ANKRD31: variants seen among roughly 807,000 people sequenced by gnomAD.
ANKRD31 encodes ankyrin repeat domain-containing protein 31.
A neutral mutation model predicts 186.0 loss-of-function variants in ANKRD31; 147 were observed. The ratio of observed to expected loss-of-function variants is 0.79; its 90% confidence interval spans 0.69 to 0.91. The LOEUF is 0.91. Ranked by LOEUF, ANKRD31 falls within the 40% of genes least tolerant of loss-of-function variation. The pLI is 0.00. For synonymous variants in ANKRD31, 673 were observed against 736.4 expected (o/e 0.91, Z 1.39); for missense variants, 1,986 against 2,148.8 (o/e 0.92, Z 1.50).
At chr5:75,087,451 G>A (rs532790857) in intron 23 of ANKRD31, among the ~76,000 whole-genome samples, 3 of 151,892 alleles carry the variant, frequency 2.0e-5, no homozygotes, top group African/African-American at 4.8e-5. Flanking sequence ...ACGCTGCAGC[G>A]AGCTGAGATC....
chr5:75,137,028 G>A (rs1453285168), intron 17 of ANKRD31, among the ~76,000 whole-genome samples: 3 of 152,104 alleles, frequency 2.0e-5, no homozygotes, highest in African/African-American at 7.2e-5. Context: ...TGGGGGTAGG[G>A]GGGAGGGATA....
rs368163615 is a variant in ANKRD31 at position 75,195,598 on chromosome 5, T to C, written c.1017+33A>G. The C allele has an allele frequency of 7.1e-5, 103 of 1,455,262 alleles. No homozygotes were observed. In the African/African-American group the frequency reaches 1.4e-3, roughly 19 times the overall value. The allele number at this position is 1,455,262 out of a possible 1,614,324, so 90.1% of individuals were successfully genotyped here. A position where few individuals can be genotyped will look rare whatever the true frequency, so the allele number is the denominator to read the frequency against. On this transcript the variant is annotated intron_variant, in intron 7 of 25. Transcript: ENST00000506364. Reference sequence around the variant, plus strand: ...CAGCTAACTTGGAACCATGTTCAAATGGTGGAGTAGAACAAAGAAATTCAA... The same window carrying C: ...CAGCTAACTTGGAACCATGTTCAAACGGTGGAGTAGAACAAAGAAATTCAA...
At chr5:75,204,126 TAAAC>T (rs1462436210) in intron 5 of ANKRD31, among the ~76,000 whole-genome samples, 1 of 152,216 alleles carries the variant, frequency 6.6e-6, no homozygotes, top group Non-Finnish European at 1.5e-5. Flanking sequence ...TAAATTTCCT[TAAAC>T]AATTTAAACT....
At chr5:75,109,653 A>G (rs1747607844) in intron 20 of ANKRD31, among the ~76,000 whole-genome samples, 1 of 152,136 alleles carries the variant, frequency 6.6e-6, no homozygotes, top group African/African-American at 2.4e-5. Context: ...AAAAATGAGG[A>G]GCTACCACAG....
intron 25 of ANKRD31, among the ~76,000 whole-genome samples, chr5:75,069,410 C>T (rs150063882): frequency 3.3e-5 from 5 of 152,172 alleles, no homozygotes; most frequent in African/African-American, 1.2e-4. Flanking sequence ...GGCCCACATG[C>T]TTCTGGTAGA....
intron 11 of ANKRD31, among the ~76,000 whole-genome samples, chr5:75,168,629 C>T (rs1318273669): frequency 5.3e-5 from 8 of 152,038 alleles, no homozygotes; most frequent in African/African-American, 1.7e-4. Flanking sequence ...AAGCTGTAAA[C>T]CTCCTATCAG....
chr5:75,204,095 T>A (rs1755999048), intron 5 of ANKRD31, among the ~76,000 whole-genome samples: 1 of 152,204 alleles, frequency 6.6e-6, no homozygotes, highest in Non-Finnish European at 1.5e-5. Context: ...CTATTTAACA[T>A]TTAAACATTG....
intron 22 of ANKRD31, among the ~76,000 whole-genome samples, chr5:75,100,099 T>C (rs1746707729): frequency 6.6e-6 from 1 of 152,232 alleles, no homozygotes; most frequent in Non-Finnish European, 1.5e-5. Context: ...TTTAAATGTG[T>C]CCCAGAGTTT....
chr5:75,103,434 A>C (rs994667729), intron 22 of ANKRD31, among the ~76,000 whole-genome samples: 1 of 152,236 alleles, frequency 6.6e-6, no homozygotes, highest in African/African-American at 2.4e-5. Flanking sequence ...TGTGAAAGAC[A>C]GTGTAGCGAT....
Position 75,145,985 on chromosome 5 carries a change from AC to A in ANKRD31, c.3424+1del, listed in dbSNP as rs1243209163. 4 of 1,466,722 alleles carry A rather than the reference AC, an allele frequency of 2.7e-6. No individual in the cohort carries two copies. In the African/African-American group the frequency reaches 5.7e-5, roughly 21 times the overall value. The allele number at this position is 1,466,722 out of a possible 1,614,324, so 90.9% of individuals were successfully genotyped here. A position where few individuals can be genotyped will look rare whatever the true frequency, so the allele number is the denominator to read the frequency against. On this transcript the variant is annotated splice_donor_variant, in intron 14 of 25. Coordinates refer to ENST00000506364, the MANE Select transcript of ANKRD31 (RefSeq NM_001372053.1). LOFTEE classifies it high-confidence loss of function. ...GTACAGATTAAGCAATATTACTAAT[AC>A]CTGGTTTGTGAGAAATTTCCTTCTT... is the stretch of plus-strand genomic sequence containing the variant.
intron 17 of ANKRD31, among the ~76,000 whole-genome samples, chr5:75,131,902 C>A (rs1749876602): frequency 6.6e-6 from 1 of 152,192 alleles, no homozygotes; most frequent in Non-Finnish European, 1.5e-5. Context: ...CAAACAGGGT[C>A]TGGAGTGGAA....
At chr5:75,221,304 A>G (rs1212906768) in intron 3 of ANKRD31, among the ~76,000 whole-genome samples, 2 of 152,216 alleles carry the variant, frequency 1.3e-5, no homozygotes, top group Non-Finnish European at 2.9e-5. Context: ...GTTTGAAATG[A>G]CATAAATGTC....
intron 2 of ANKRD31, among the ~76,000 whole-genome samples, chr5:75,225,018 C>T (rs941723778): frequency 5.3e-5 from 8 of 152,048 alleles, no homozygotes; most frequent in African/African-American, 1.2e-4. Flanking sequence ...TAAAATAGGC[C>T]TAACACTGGT....
intron 17 of ANKRD31, among the ~76,000 whole-genome samples, chr5:75,130,505 A>C (rs1749698109): frequency 6.6e-6 from 1 of 151,966 alleles, no homozygotes; most frequent in Non-Finnish European, 1.5e-5. Context: ...TTTTACAGAG[A>C]GCTGACTGGT....
chr5:75,111,514 A>G (rs1747783156), intron 20 of ANKRD31, among the ~76,000 whole-genome samples: 1 of 152,166 alleles, frequency 6.6e-6, no homozygotes, highest in Non-Finnish European at 1.5e-5. Context: ...AAAGGAGATG[A>G]TTTTTTTAAA....
At chr5:75,178,845 A>C (rs1032485088) in intron 10 of ANKRD31, among the ~76,000 whole-genome samples, 3 of 152,188 alleles carry the variant, frequency 2.0e-5, no homozygotes, top group African/African-American at 7.2e-5. Flanking sequence ...AAGAGCAAAC[A>C]CATTCAAAAG....
chr5:75,183,256 C>T (rs557629044), intron 10 of ANKRD31, among the ~76,000 whole-genome samples: 7 of 152,086 alleles, frequency 4.6e-5, no homozygotes, highest in Admixed American at 2.0e-4. Context: ...TAGGTATGTA[C>T]GTCAACACAA....
intron 23 of ANKRD31, among the ~76,000 whole-genome samples, chr5:75,085,108 T>A (rs193006929): frequency 6.0e-4 from 92 of 152,304 alleles, no homozygotes; most frequent in African/African-American, 2.1e-3. Flanking sequence ...AACTTGAACA[T>A]CCCTTCCTCC....
At chr5:75,171,212 T>C (rs1214614387) in intron 10 of ANKRD31, among the ~76,000 whole-genome samples, 3 of 152,078 alleles carry the variant, frequency 2.0e-5, no homozygotes, top group African/African-American at 4.8e-5. Context: ...GGAGATAATA[T>C]ATTATGCAAT....
Sources: gnomAD v4.1 joint callset for allele counts (sites outside exome capture counted in the v4.1 genomes callset) on GRCh38, gnomAD v4.1.1 for gene constraint, MANE v1.5 for transcripts, NCBI Gene and HGNC (gene_info 2026-07-23, HGNC 2026-07-21) for gene names.